FBXL7: variants seen among roughly 807,000 people sequenced by gnomAD.
FBXL7 encodes F-box/LRR-repeat protein 7.
Under a neutral mutation model 38.3 loss-of-function variants are expected in FBXL7, and 12 were observed. The ratio of observed to expected loss-of-function variants is 0.31; its 90% CI spans 0.20 to 0.51. The LOEUF (loss-of-function observed/expected upper bound fraction) is 0.51, where lower values mean the gene tolerates loss of function less well. Ranked by LOEUF, FBXL7 falls within the 20% of genes least tolerant of loss-of-function variation. The pLI, the probability that FBXL7 is intolerant of heterozygous loss-of-function variation, is 0.98. For synonymous variants in FBXL7, 297 were observed against 300.9 expected (o/e 0.99, Z 0.13); for missense variants, 567 against 676.4 (o/e 0.84, Z 1.79).
chr5:15,863,577 C>CT (rs1446569962), intron 2 of FBXL7, among the ~76,000 whole-genome samples: 1 of 152,122 alleles, frequency 6.6e-6, no homozygotes, highest in Non-Finnish European at 1.5e-5. Context: ...CTTGCTGTCT[C>CT]TTATGGTTTG....
At chr5:15,831,874 T>C (rs1738464472) in intron 2 of FBXL7, among the ~76,000 whole-genome samples, 2 of 152,222 alleles carry the variant, frequency 1.3e-5, no homozygotes, top group South Asian at 2.1e-4. Flanking sequence ...CTTGCCCCTT[T>C]GTAAAACCAC....
intron 2 of FBXL7, among the ~76,000 whole-genome samples, chr5:15,882,959 A>C (rs967847919): frequency 3.4e-5 from 2 of 59,666 alleles, no homozygotes; most frequent in African/African-American, 7.7e-5. Context: ...TATCACTTTA[A>C]TCATTTTAGA....
chr5:15,627,702 T>C (rs954491366), intron 2 of FBXL7, among the ~76,000 whole-genome samples: 6 of 152,202 alleles, frequency 3.9e-5, no homozygotes, highest in Non-Finnish European at 7.3e-5. Flanking sequence ...TCAACTCTTC[T>C]ATAGTGAAGA....
chr5:15,663,994 C>T (rs146200961), intron 2 of FBXL7, among the ~76,000 whole-genome samples: 1 of 152,200 alleles, frequency 6.6e-6, no homozygotes, highest in Non-Finnish European at 1.5e-5. Flanking sequence ...TACCAACTGG[C>T]TACTTGTTTC....
intron 2 of FBXL7, among the ~76,000 whole-genome samples, chr5:15,712,251 C>G (rs1289656352): frequency 6.6e-6 from 1 of 151,544 alleles, no homozygotes; most frequent in Non-Finnish European, 1.5e-5. Flanking sequence ...TGAATTAGAA[C>G]TCTTTAAAAG....
intron 1 of FBXL7, among the ~76,000 whole-genome samples, chr5:15,599,242 G>A (rs1739715165): frequency 6.6e-6 from 1 of 152,120 alleles, no homozygotes; most frequent in African/African-American, 2.4e-5. Flanking sequence ...GGACTAAGAA[G>A]ATCATATTAG....
At chr5:15,679,558 G>GTTTTTTTTTTTTTTTT (rs34375125) in intron 2 of FBXL7, among the ~76,000 whole-genome samples, 1 of 125,128 alleles carries the variant, frequency 8.0e-6, no homozygotes, top group African/African-American at 3.0e-5. Context: ...ATGCTTCATT[G>GTTTTTTTTTTTTTTTT]TTTTTTTTTT....
At chr5:15,833,268 G>A (rs1738505648) in intron 2 of FBXL7, among the ~76,000 whole-genome samples, 1 of 152,174 alleles carries the variant, frequency 6.6e-6, no homozygotes, top group Non-Finnish European at 1.5e-5. Context: ...CTGGCTGAGA[G>A]ATGGCACCTT....
chr5:15,517,245 C>G (rs189079701), intron 1 of FBXL7, among the ~76,000 whole-genome samples: 3 of 152,122 alleles, frequency 2.0e-5, no homozygotes, highest in African/African-American at 4.8e-5. Flanking sequence ...CCAGGATGGT[C>G]TCGATCATAT....
At chr5:15,636,279 T>C (rs6871889) in intron 2 of FBXL7, among the ~76,000 whole-genome samples, 24,362 of 152,130 alleles carry the variant, frequency 0.16, 2,050 homozygotes, top group Non-Finnish European at 0.18. Context: ...CCCTCAACTC[T>C]CCTCATCTAC....
chr5:15,538,320 T>C (rs767195751), intron 1 of FBXL7, among the ~76,000 whole-genome samples: 2 of 152,170 alleles, frequency 1.3e-5, no homozygotes, highest in Non-Finnish European at 2.9e-5. Context: ...TGATTTTCTT[T>C]TGGAAATAAG....
At chr5:15,777,720 T>TAAAAAAAAAAAAAAAAAAAAAAAAAAAA (rs371293320) in intron 2 of FBXL7, among the ~76,000 whole-genome samples, 3 of 82,504 alleles carry the variant, frequency 3.6e-5, no homozygotes, top group Admixed American at 1.3e-4. Context: ...CCTATTCTGG[T>TAAAAAAAAAAAAAAAAAAAAAAAAAAAA]AAAAAAAAAA....
intron 2 of FBXL7, 126 bp from the exon 3 acceptor site, chr5:15,927,764 T>TAGAAAAAA (rs1741915561): frequency 2.5e-6 from 1 of 401,974 alleles, no homozygotes; most frequent in Non-Finnish European, 3.3e-6. Context: ...GACAAGATCT[T>TAGAAAAAA]AAAAAAAAAA....
intron 2 of FBXL7, among the ~76,000 whole-genome samples, chr5:15,638,655 C>T (rs1741264197): frequency 6.6e-6 from 1 of 152,062 alleles, no homozygotes; most frequent in African/African-American, 2.4e-5. Flanking sequence ...ATGCTGACTT[C>T]AGACTTTATC....
chr5:15,790,750 C>T (rs1287237020), intron 2 of FBXL7, among the ~76,000 whole-genome samples: 2 of 152,130 alleles, frequency 1.3e-5, no homozygotes, highest in African/African-American at 4.8e-5. Flanking sequence ...TGATGGGCAT[C>T]GGTCTTGTCT....
chr5:15,667,450 G>T (rs1447749305), intron 2 of FBXL7, among the ~76,000 whole-genome samples: 1 of 152,122 alleles, frequency 6.6e-6, no homozygotes, highest in Non-Finnish European at 1.5e-5. Flanking sequence ...TCCTGGAAAG[G>T]AATACTATGC....
At chr5:15,777,634 C>T (rs1293155826) in intron 2 of FBXL7, among the ~76,000 whole-genome samples, 1 of 143,738 alleles carries the variant, frequency 7.0e-6, no homozygotes, top group Non-Finnish European at 1.5e-5. Context: ...AAGCTCAGTG[C>T]ATAGAAATTT....
intron 2 of FBXL7, among the ~76,000 whole-genome samples, chr5:15,862,864 G>T (rs1739534327): frequency 6.6e-6 from 1 of 152,186 alleles, no homozygotes; most frequent in Non-Finnish European, 1.5e-5. Context: ...TACTGACGTG[G>T]AGGAAAGGGA....
At chr5:15,550,802 C>G (rs1287360229) in intron 1 of FBXL7, among the ~76,000 whole-genome samples, 1 of 152,222 alleles carries the variant, frequency 6.6e-6, no homozygotes, top group Admixed American at 6.5e-5. Flanking sequence ...AATGAGACCT[C>G]TGTCATCTCA....
Sources: allele counts gnomAD v4.1 joint callset (sites outside exome capture counted in the v4.1 genomes callset), GRCh38; gene constraint gnomAD v4.1.1; transcripts MANE v1.5; gene names NCBI Gene and HGNC (gene_info 2026-07-23, HGNC 2026-07-21).